PRKCE: variants seen among roughly 807,000 people sequenced by gnomAD.
The protein encoded by PRKCE is protein kinase C epsilon type.
PRKCE carries 16 observed loss-of-function variants against 85.4 expected under a neutral mutation model. The ratio of observed to expected loss-of-function variants is 0.19; its 90% confidence interval spans 0.13 to 0.28. The LOEUF is 0.28. Ranked by LOEUF, PRKCE falls within the 10% of genes least tolerant of loss-of-function variation. PRKCE has a pLI of 1.00. For synonymous variants in PRKCE, 388 were observed against 371.5 expected (o/e 1.04, Z -0.51); for missense variants, 573 against 975.2 (o/e 0.59, Z 5.49).
intron 1 of PRKCE, among the ~76,000 whole-genome samples, chr2:45,734,768 CT>C (rs1681904970): frequency 6.6e-6 from 1 of 152,170 alleles, no homozygotes; most frequent in Non-Finnish European, 1.5e-5. Context: ...CTGCTGACAG[CT>C]TGCAGCTGCG....
chr2:46,138,349 G>C lies in PRKCE; in HGVS notation c.1593-6744G>C, dbSNP rs777251213. Among the ~76,000 whole-genome samples, 1 of 152,142 alleles carries C rather than the reference G, an allele frequency of 6.6e-6. No homozygotes were observed. The highest frequency in any genetic ancestry group is 1.5e-5 in the Non-Finnish European group (1 of 68,036). ...GTCATTTTATCTAATAGGTGGTCAC[G>C]GGCAGTTATGTAGGGTCAGCCCACG... On this transcript the variant is annotated intron_variant, in intron 11 of 14. Coordinates refer to ENST00000306156, the MANE Select transcript of PRKCE (RefSeq NM_005400.3). The surrounding 1 kb of genome is among the most constrained non-coding windows in gnomAD (Gnocchi z 4.2).
chr2:45,776,690 G>T (rs1239358809), intron 1 of PRKCE, among the ~76,000 whole-genome samples: 1 of 152,158 alleles, frequency 6.6e-6, no homozygotes, highest in East Asian at 1.9e-4. Flanking sequence ...CTCTGCCCCT[G>T]CTTCTCCCCC....
At chr2:46,099,170 C>T (rs1229270452) in intron 11 of PRKCE, among the ~76,000 whole-genome samples, 1 of 152,102 alleles carries the variant, frequency 6.6e-6, no homozygotes, top group Admixed American at 6.5e-5. Context: ...TCCATTATCC[C>T]AAGACATCCC....
chr2:46,100,341 CTAATTTACCCAAAGTCCTCCCTCTT>C lies in PRKCE; in HGVS notation c.1592+13980_1592+14004del, dbSNP rs1475684741. Among the ~76,000 whole-genome samples the C allele has an allele frequency of 1.2e-3, 177 of 152,324 alleles. 1 individual carries two copies. Among genetic ancestry groups the C allele is most frequent in the African/African-American group, 4.2e-3 (176 of 41,564 alleles). On this transcript the variant is annotated intron_variant, in intron 11 of 14. Transcript: ENST00000306156. ...ACCGTCTGTGGGTTTTCCTCCCTCT[CTAATTTACCCAAAGTCCTCCCTCTT>C]AACCAAAACAAATAGCTTTTGGGGG...
At chr2:46,156,791 AT>A (rs1336141468) in intron 13 of PRKCE, among the ~76,000 whole-genome samples, 1 of 152,114 alleles carries the variant, frequency 6.6e-6, no homozygotes, top group African/African-American at 2.4e-5. Context: ...ATCACATGCT[AT>A]TTTTTTAAAA....
chr2:45,829,031 T>G (rs922197353), intron 1 of PRKCE, among the ~76,000 whole-genome samples: 1 of 152,174 alleles, frequency 6.6e-6, no homozygotes, highest in African/African-American at 2.4e-5. Flanking sequence ...AACAAGTTTT[T>G]TTTTTCATGA....
intron 2 of PRKCE, among the ~76,000 whole-genome samples, chr2:45,900,025 G>A (rs1028061632): frequency 6.6e-6 from 1 of 152,168 alleles, no homozygotes; most frequent in Non-Finnish European, 1.5e-5. Context: ...AACCAAGTCA[G>A]TTCAGTGTCT....
intron 1 of PRKCE, among the ~76,000 whole-genome samples, chr2:45,667,891 G>A (rs1675989266): frequency 6.6e-6 from 1 of 152,100 alleles, no homozygotes; most frequent in Non-Finnish European, 1.5e-5. Flanking sequence ...ACAGGGAGAT[G>A]GATTCTAATC....
chr2:46,149,278 G>T (rs1326821296), intron 12 of PRKCE, among the ~76,000 whole-genome samples: 1 of 152,124 alleles, frequency 6.6e-6, no homozygotes, highest in Non-Finnish European at 1.5e-5. Context: ...GTGTCCCATG[G>T]GCTGGAATGA....
chr2:46,170,382 C>T (rs1341161847), intron 14 of PRKCE, among the ~76,000 whole-genome samples: 6 of 152,102 alleles, frequency 3.9e-5, no homozygotes, highest in Admixed American at 2.0e-4. Flanking sequence ...CGGAAATTTC[C>T]AAACATATAT....
Position 45,976,462 on chromosome 2 carries a change from A to C in PRKCE, c.446A>C (p.Glu149Ala). Residue 149 changes from glutamate (E) to alanine (A), a missense_variant, in exon 3 of 15, where the codon GAA becomes GCA. By Grantham distance (107) the Glu-to-Ala change is moderately radical (BLOSUM62 -1). This residue lies in a region of PRKCE where 33 missense variants were observed against 33.7 expected (regional missense o/e 0.98). Transcript: ENST00000306156. Reference sequence around the variant, plus strand: ...GACAATGAAGAGCGTGTGTTCAGGGAACGCATGCGGCCGAGGAAGCGGCAG... The same window carrying C: ...GACAATGAAGAGCGTGTGTTCAGGGCACGCATGCGGCCGAGGAAGCGGCAG... ...PKDNEERVFR[E>A]RMRPRKRQGA... is the part of the protein sequence containing the mutation. 6.3e-7 allele frequency: 1 copy of C among 1,599,764 alleles called. No individual in the cohort carries two copies. The highest frequency in any genetic ancestry group is 8.5e-7 in the Non-Finnish European group (1 of 1,179,954).
chr2:45,944,405 T>C (rs1350755386), intron 2 of PRKCE, among the ~76,000 whole-genome samples: 1 of 152,206 alleles, frequency 6.6e-6, no homozygotes, highest in African/African-American at 2.4e-5. Context: ...ATGGCTATGC[T>C]GGTATACAGT....
intron 2 of PRKCE, among the ~76,000 whole-genome samples, chr2:45,880,857 A>T (rs1694827766): frequency 6.6e-6 from 1 of 152,220 alleles, no homozygotes; most frequent in Non-Finnish European, 1.5e-5. Context: ...AGTTCTTTTA[A>T]GATTTCAGGG....
rs1049844200 is a variant in PRKCE at position 46,138,850 on chromosome 2, G to A, written c.1593-6243G>A. ...GCCCCCCACAACACAGGATTATCCA[G>A]TCCCAAATGTCAATCTCGTCCCAGC... On this transcript the variant is annotated intron_variant, in intron 11 of 14. Coordinates refer to ENST00000306156, the MANE Select transcript of PRKCE (RefSeq NM_005400.3). The surrounding 1 kb of genome is among the most constrained non-coding windows in gnomAD (Gnocchi z 4.2). Among the ~76,000 whole-genome samples, 3 of 152,146 alleles carry A rather than the reference G, an allele frequency of 2.0e-5. No individual in the cohort carries two copies. Among genetic ancestry groups the A allele is most frequent in the Non-Finnish European group, 4.4e-5 (3 of 68,032 alleles).
intron 2 of PRKCE, among the ~76,000 whole-genome samples, chr2:45,930,585 T>C (rs897336173): frequency 1.3e-5 from 2 of 152,226 alleles, no homozygotes; most frequent in African/African-American, 2.4e-5. Flanking sequence ...CTGTCCTTTG[T>C]CTGTGGAGGG....
intron 2 of PRKCE, among the ~76,000 whole-genome samples, chr2:45,956,449 G>T (rs990146453): frequency 1.3e-5 from 2 of 151,980 alleles, no homozygotes; most frequent in African/African-American, 4.8e-5. Flanking sequence ...GGAGGTCAAG[G>T]TGGGTGGATC....
chr2:45,746,387 A>C (rs1037229738), intron 1 of PRKCE, among the ~76,000 whole-genome samples: 8 of 152,116 alleles, frequency 5.3e-5, no homozygotes, highest in African/African-American at 1.7e-4. Flanking sequence ...TCTGGTCCTC[A>C]CTGTTGAGAA....
At chr2:46,046,672 T>C (rs144764420) in intron 10 of PRKCE, among the ~76,000 whole-genome samples, 69 of 152,284 alleles carry the variant, frequency 4.5e-4, no homozygotes, top group African/African-American at 1.6e-3. Flanking sequence ...ACTTTAAAAG[T>C]CAGTGGGGGA....
intron 11 of PRKCE, among the ~76,000 whole-genome samples, chr2:46,104,445 T>G (rs976391931): frequency 6.6e-6 from 1 of 152,160 alleles, no homozygotes; most frequent in Non-Finnish European, 1.5e-5. Flanking sequence ...TTCATGGCTT[T>G]TTCTAGAACA....
Sources: gnomAD v4.1 joint callset for allele counts (sites outside exome capture counted in the v4.1 genomes callset) on GRCh38, gnomAD v4.1.1 for gene constraint, gnomAD v4.1.1 regional missense constraint, Gnocchi (gnomAD v3.1) non-coding constraint, MANE v1.5 for transcripts, NCBI Gene and HGNC (gene_info 2026-07-23, HGNC 2026-07-21) for gene names.